Variants in TMEM233 observed in about 807,000 individuals in gnomAD.
TMEM233 encodes the protein dispanin subfamily B member 2.
In TMEM233, 6 loss-of-function variants were observed where a neutral mutation model predicts 11.2. That is an observed-to-expected ratio of 0.54 (90% confidence interval 0.29 to 1.06). The LOEUF (loss-of-function observed/expected upper bound fraction) is 1.06. Among genes scored for constraint, TMEM233 ranks in the 50% least tolerant of loss-of-function variants. TMEM233 has a pLI of 0.08. For missense variants in TMEM233, 127 were observed against 144.7 expected (o/e 0.88, Z 0.63); for synonymous variants, 59 against 55.8 (o/e 1.06, Z -0.26).
downstream of TMEM233, among the ~76,000 whole-genome samples, chr12:119,647,979 T>G (rs1217335903): frequency 6.6e-6 from 1 of 152,152 alleles, no homozygotes; most frequent in Non-Finnish European, 1.5e-5. Flanking sequence ...TCTACTCAGC[T>G]GCAGCCACAC....
At chr12:119,621,860 A>G (rs908851923) in intron 1 of TMEM233, among the ~76,000 whole-genome samples, 2 of 152,276 alleles carry the variant, frequency 1.3e-5, no homozygotes, top group African/African-American at 4.8e-5. Context: ...CCAGCTAGCC[A>G]AAGCAAAACA....
chr12:119,627,775 T>G (rs1483323100), intron 1 of TMEM233, among the ~76,000 whole-genome samples: 4 of 152,278 alleles, frequency 2.6e-5, no homozygotes, highest in South Asian at 2.1e-4. Context: ...CAGACCAGAT[T>G]GAAGACCGGC....
chr12:119,648,863 C>G, the TMEM233 span, among the ~76,000 whole-genome samples: 1 of 152,194 alleles, frequency 6.6e-6, no homozygotes, highest in Non-Finnish European at 1.5e-5. Flanking sequence ...AAGATTTAAA[C>G]TTGAATTTTA....
At chr12:119,652,290 G>A in the TMEM233 span, among the ~76,000 whole-genome samples, 1 of 152,224 alleles carries the variant, frequency 6.6e-6, no homozygotes, top group Non-Finnish European at 1.5e-5. Flanking sequence ...AGTTTAAAAT[G>A]AGAAGCAAAA....
rs1328070576 is a variant in TMEM233 at position 119,595,847 on chromosome 12, T to C, written c.186+1813T>C. 6.6e-6 allele frequency among the ~76,000 whole-genome samples: 1 copy of C among 152,220 alleles called. No individual in the cohort carries two copies. Among genetic ancestry groups the C allele is most frequent in the Non-Finnish European group, 1.5e-5 (1 of 68,036 alleles). Reference sequence around the variant, plus strand: ...AATTACTTCTCTCCATCTGATATAGTATTTTAATTATTTGTATGTTTACAG... The same window carrying C: ...AATTACTTCTCTCCATCTGATATAGCATTTTAATTATTTGTATGTTTACAG... On this transcript the variant is annotated intron_variant, in intron 1 of 2. Coordinates refer to ENST00000426426, the MANE Select transcript of TMEM233 (RefSeq NM_001136534.3). This position sits in a 1 kb window ranked among gnomAD's most constrained non-coding sequence, Gnocchi z 4.3.
intron 1 of TMEM233, among the ~76,000 whole-genome samples, chr12:119,600,246 A>C (rs1954134498): frequency 6.6e-6 from 1 of 152,090 alleles, no homozygotes; most frequent in Non-Finnish European, 1.5e-5. Flanking sequence ...GATGTAGAAG[A>C]AAACTTCAAG....
In TMEM233 at chr12:119,640,985, A is replaced by G. The variant is rs1955075047; in HGVS notation, c.*280A>G. ...AAATGAAGTCTCACTGTCTCAGTTT[A>G]GCGAATCCCGTTGTGTCCACTCCTG... On this transcript the variant is annotated 3_prime_UTR_variant, in exon 3 of 3. Coordinates refer to ENST00000426426, the MANE Select transcript of TMEM233 (RefSeq NM_001136534.3). 4.6e-6 allele frequency: 2 copies of G among 437,942 alleles called. No homozygotes were observed. Among genetic ancestry groups the G allele is most frequent in the Admixed American group, 7.5e-5 (2 of 26,634 alleles). The allele number at this position is 437,942 out of a possible 1,614,324, so 27.1% of individuals were successfully genotyped here.
At chr12:119,622,505 A>G (rs1468590150) in intron 1 of TMEM233, among the ~76,000 whole-genome samples, 1 of 152,152 alleles carries the variant, frequency 6.6e-6, no homozygotes, top group African/African-American at 2.4e-5. Context: ...TAAACCATGC[A>G]TTTTCTCTAA....
intron 1 of TMEM233, among the ~76,000 whole-genome samples, chr12:119,608,247 G>C (rs1259052455): frequency 6.6e-6 from 1 of 152,180 alleles, no homozygotes; most frequent in Non-Finnish European, 1.5e-5. Context: ...GAGGGCACCT[G>C]ATGCTCCTGA....
In TMEM233 at chr12:119,641,019, AG is replaced by A. The variant is rs1955075612; in HGVS notation, c.*316del. ...CGTTGTGTCCACTCCTGTCCTCCAG[AG>A]GCGAGCCTCAGGAAATCACATAACT... is the stretch of plus-strand genomic sequence containing the variant. On this transcript the variant is annotated 3_prime_UTR_variant, in exon 3 of 3. Coordinates refer to ENST00000426426, the MANE Select transcript of TMEM233 (RefSeq NM_001136534.3). The A allele has an allele frequency of 6.2e-6, 2 of 324,896 alleles. No individual in the cohort carries two copies. The highest frequency in any genetic ancestry group is 1.5e-4 in the South Asian group (2 of 13,640). The allele number at this position is 324,896 out of a possible 1,614,324, so 20.1% of individuals were successfully genotyped here.
In TMEM233 at chr12:119,641,955, G is replaced by A. The variant is rs558009694; in HGVS notation, c.*1250G>A. On this transcript the variant is annotated 3_prime_UTR_variant, in exon 3 of 3. Coordinates refer to ENST00000426426, the MANE Select transcript of TMEM233 (RefSeq NM_001136534.3). ...ATAGAATTTAATGATATTGTTTTGTGTCATGGTATTTATTTTATTTATTAC... is the reference window on the plus strand; with the variant it reads ...ATAGAATTTAATGATATTGTTTTGTATCATGGTATTTATTTTATTTATTAC... 3.3e-5 allele frequency: 5 copies of A among 152,240 alleles called. No individual in the cohort carries two copies. The East Asian group carries it at 7.7e-4, about 23-fold the overall frequency. The allele number at this position is 152,240 out of a possible 1,614,324, so 9.4% of individuals were successfully genotyped here.
rs1268807498 is a variant in TMEM233 at position 119,641,521 on chromosome 12, C to T, written c.*816C>T. On this transcript the variant is annotated 3_prime_UTR_variant, in exon 3 of 3. Transcript: ENST00000426426. ...TTTTTTTTTCAATTTCTCACTCTCT[C>T]TCCTATCTCTAGCAAGTCTCAGGCA... is the stretch of plus-strand genomic sequence containing the variant. 6.6e-6 allele frequency: 1 copy of T among 151,640 alleles called. No homozygotes were observed. The highest frequency in any genetic ancestry group is 1.5e-5 in the Non-Finnish European group (1 of 67,950). 9.4% of individuals were successfully genotyped at this position (151,640 alleles called of 1,614,324 possible).
intron 1 of TMEM233, among the ~76,000 whole-genome samples, chr12:119,607,632 G>A (rs1012165042): frequency 8.1e-5 from 12 of 148,200 alleles, no homozygotes; most frequent in Admixed American, 6.1e-4. Flanking sequence ...ACAGAGTCTC[G>A]CTTTGTCACC....
chr12:119,594,075 C>G lies in TMEM233; in HGVS notation c.186+41C>G. ...CCAGAGGCAGCCTGGGAGGAGAGAC[C>G]CGGGCGGCTTTGAGCCCCTGCAGGG... On this transcript the variant is annotated intron_variant, in intron 1 of 2. Transcript: ENST00000426426. This position sits in a 1 kb window ranked among gnomAD's most constrained non-coding sequence, Gnocchi z 5.6. 6.5e-7 allele frequency: 1 copy of G among 1,544,722 alleles called. No homozygotes were observed. Among genetic ancestry groups the G allele is most frequent in the Non-Finnish European group, 8.7e-7 (1 of 1,142,994 alleles).
chr12:119,632,326 G>T (rs760082929), intron 2 of TMEM233, among the ~76,000 whole-genome samples: 6 of 152,280 alleles, frequency 3.9e-5, no homozygotes, highest in Admixed American at 1.3e-4. Flanking sequence ...AGTGGAAAAG[G>T]TAGGATTTAA....
the TMEM233 span, among the ~76,000 whole-genome samples, chr12:119,650,603 T>C: frequency 2.0e-5 from 3 of 151,272 alleles, no homozygotes; most frequent in Non-Finnish European, 4.4e-5. Context: ...TTATAACACA[T>C]TCCTTTTGGG....
In TMEM233 at chr12:119,617,575, T is replaced by A. The variant is rs181577605; in HGVS notation, c.187-12161T>A. On this transcript the variant is annotated intron_variant, in intron 1 of 2. Transcript: ENST00000426426. ...CCAGCCGGGCACGGTGGCTCATGCC[T>A]CTAATCCCAGCACTCTGAGAGGCCA... is the stretch of plus-strand genomic sequence containing the variant. 4.3e-4 allele frequency among the ~76,000 whole-genome samples: 66 copies of A among 152,274 alleles called. No homozygotes were observed. In the East Asian group the frequency reaches 0.011, roughly 24 times the overall value.
the TMEM233 span, among the ~76,000 whole-genome samples, chr12:119,652,348 G>C: frequency 6.6e-6 from 1 of 152,216 alleles, no homozygotes; most frequent in Non-Finnish European, 1.5e-5. Context: ...TAGTAGTGGA[G>C]GAGTAACTTA....
chr12:119,653,736 A>G, the TMEM233 span, among the ~76,000 whole-genome samples: 1 of 152,094 alleles, frequency 6.6e-6, no homozygotes, highest in African/African-American at 2.4e-5. Flanking sequence ...TCTTGAAGAC[A>G]GGTAAATAAA....
Sources: allele counts gnomAD v4.1 joint callset (sites outside exome capture counted in the v4.1 genomes callset), GRCh38; gene constraint gnomAD v4.1.1; non-coding constraint Gnocchi (gnomAD v3.1); transcripts MANE v1.5; gene names NCBI Gene and HGNC (gene_info 2026-07-23, HGNC 2026-07-21).